JPH2: variants seen among roughly 807,000 people sequenced by gnomAD.
JPH2 encodes the protein junctophilin 2, also known as junctophilin-2.
Under a neutral mutation model 55.9 loss-of-function variants are expected in JPH2, and 38 were observed. The observed-to-expected ratio is 0.68, with a 90% CI of 0.52 to 0.89. JPH2 has a LOEUF of 0.89. Ranked by LOEUF, JPH2 falls within the 40% of genes least tolerant of loss-of-function variation. The probability of loss-of-function intolerance (pLI) is 0.00; values close to 1 mark genes in which losing one functional copy is unlikely to be tolerated. For synonymous variants in JPH2, 480 were observed against 472.4 expected (o/e 1.02, Z -0.21); for missense variants, 964 against 1,037.6 (o/e 0.93, Z 0.97).
rs1337351911 is a variant in JPH2 at position 44,160,067 on chromosome 20, A to G, written c.720T>C (p.Gly240=). 13 of 1,538,726 alleles carry G rather than the reference A, an allele frequency of 8.4e-6. No homozygotes were observed. The highest frequency in any genetic ancestry group is 9.6e-6 in the Non-Finnish European group (11 of 1,148,356). The part of the protein sequence containing the change: ...LRRAESRTSV[G]SQRSRVSFLK... ...GGAAGCTGACACGGCTGCGCTGGCT[A>G]CCCACGGACGTGCGCGACTCTGCGC... The change falls in exon 2 of 6, where the codon GGT becomes GGC. Residue 240 remains glycine, a synonymous_variant. Transcript: ENST00000372980. This position sits in a 1 kb window ranked among gnomAD's most constrained non-coding sequence, Gnocchi z 4.9.
intron 2 of JPH2, among the ~76,000 whole-genome samples, chr20:44,151,052 A>G (rs2072526887): frequency 6.6e-6 from 1 of 152,156 alleles, no homozygotes; most frequent in South Asian, 2.1e-4. Context: ...AAACAAAAAG[A>G]TAAAGTAAAT....
intron 2 of JPH2, among the ~76,000 whole-genome samples, chr20:44,124,971 C>T (rs914231180): frequency 1.1e-4 from 14 of 124,378 alleles, no homozygotes; most frequent in African/African-American, 2.9e-4. Flanking sequence ...CAGCTGGGCA[C>T]GGTGGTGCGC....
rs1321878003 is a variant in JPH2, at chr20:44,108,247, G to T, written c.*5271C>A. On this transcript the variant is annotated 3_prime_UTR_variant, in exon 6 of 6. Transcript: ENST00000372980. ...CCGAGGACACGGGTGTTTAGCATTT[G>T]GAACCCTCCCAGATTCCTTCCTATG... is the stretch of plus-strand genomic sequence containing the variant. Among the ~76,000 whole-genome samples the T allele has an allele frequency of 6.6e-6, 1 of 152,162 alleles. No homozygotes were observed. Among genetic ancestry groups the T allele is most frequent in the Non-Finnish European group, 1.5e-5 (1 of 68,004 alleles).
chr20:44,184,458 A>G lies in JPH2; in HGVS notation c.379+1869T>C, dbSNP rs563526456. 3.9e-5 allele frequency among the ~76,000 whole-genome samples: 6 copies of G among 152,032 alleles called. No homozygotes were observed. The South Asian group carries it at 1.0e-3, about 26-fold the overall frequency. On this transcript the variant is annotated intron_variant, in intron 1 of 5. Transcript: ENST00000372980. ...TTGTGAAAGCAGTGTTTGGACACAC[A>G]CTCAGAGATTCTGATGAGAAGGTCT... is the stretch of plus-strand genomic sequence containing the variant.
chr20:44,124,350 C>T (rs991236867), intron 2 of JPH2, among the ~76,000 whole-genome samples: 1 of 152,230 alleles, frequency 6.6e-6, no homozygotes, highest in African/African-American at 2.4e-5. Flanking sequence ...GGCTGTTCCC[C>T]GACCTGGAAG....
intron 2 of JPH2, among the ~76,000 whole-genome samples, chr20:44,135,601 G>A (rs1392891084): frequency 3.3e-5 from 5 of 152,182 alleles, no homozygotes; most frequent in Non-Finnish European, 7.3e-5. Flanking sequence ...CCCACAAGGG[G>A]CAGAAGCTTC....
At position 44,116,268 on chromosome 20, in the gene JPH2, G is replaced by A; in HGVS notation, c.1407C>T (p.Ser469=). ...GGGTCTCACGCTCGTGCAGCTGCGG[G>A]CTCTCGCGGGGCGGCTGTGGGAGGC... ...AAGLPQPPRE[S]PQLHERETPR... is the part of the protein sequence containing the mutation. Residue 469 remains serine (S), a synonymous_variant, in exon 4 of 6, where the codon AGC becomes AGT. Transcript: ENST00000372980. 1 of 1,526,342 alleles carries A rather than the reference G, an allele frequency of 6.6e-7. No individual in the cohort carries two copies. The highest frequency in any genetic ancestry group is 8.8e-7 in the Non-Finnish European group (1 of 1,140,932). The allele number at this position is 1,526,342 out of a possible 1,614,324, so 94.5% of individuals were successfully genotyped here. A position where few individuals can be genotyped will look rare whatever the true frequency, so the allele number is the denominator to read the frequency against.
chr20:44,186,150 T>C (rs2072837719), intron 1 of JPH2, among the ~76,000 whole-genome samples, 177 bp downstream of exon 1: 1 of 152,132 alleles, frequency 6.6e-6, no homozygotes, highest in African/African-American at 2.4e-5. Context: ...GCTCCATCTT[T>C]ACTACAAGAA....
At chr20:44,169,998 C>G (rs2072685905) in intron 1 of JPH2, among the ~76,000 whole-genome samples, 1 of 152,158 alleles carries the variant, frequency 6.6e-6, no homozygotes, top group African/African-American at 2.4e-5. Flanking sequence ...CTCCAGAACT[C>G]TAGGAAATAC....
intron 1 of JPH2, among the ~76,000 whole-genome samples, chr20:44,167,073 T>C (rs2072661241): frequency 6.6e-6 from 1 of 152,214 alleles, no homozygotes; most frequent in African/African-American, 2.4e-5. Flanking sequence ...CCTGGCCAAC[T>C]TCTATTGACA....
At chr20:44,113,692 C>T (rs1295356264) in intron 5 of JPH2, among the ~76,000 whole-genome samples, 189 bp from the exon 6 acceptor site, 9 of 152,214 alleles carry the variant, frequency 5.9e-5, no homozygotes, top group African/African-American at 2.2e-4. Context: ...CGAGGCCTCT[C>T]CTGGCCCTGG....
intron 5 of JPH2, among the ~76,000 whole-genome samples, chr20:44,113,796 T>C (rs2072164787): frequency 6.7e-6 from 1 of 149,926 alleles, no homozygotes; most frequent in Non-Finnish European, 1.5e-5. Context: ...TCACTCCTTT[T>C]CACCCTTCAG....
intron 2 of JPH2, among the ~76,000 whole-genome samples, chr20:44,137,784 C>T (rs1257642962): frequency 6.6e-6 from 1 of 152,134 alleles, no homozygotes; most frequent in African/African-American, 2.4e-5. Context: ...TCTTTGAATC[C>T]TGCCCTTTCA....
At chr20:44,129,805 A>T (rs907749476) in intron 2 of JPH2, among the ~76,000 whole-genome samples, 6 of 152,054 alleles carry the variant, frequency 3.9e-5, no homozygotes, top group Non-Finnish European at 8.8e-5. Context: ...TCCTTATAAG[A>T]GGGAGATTTG....
chr20:44,157,184 G>A lies in JPH2; in HGVS notation c.1169+2434C>T, dbSNP rs143804047. Among the ~76,000 whole-genome samples, 521 of 152,280 alleles carry A rather than the reference G, an allele frequency of 3.4e-3. 5 individuals carry two copies. Among genetic ancestry groups the A allele is most frequent in the African/African-American group, 0.012 (489 of 41,558 alleles). On this transcript the variant is annotated intron_variant, in intron 2 of 5. Coordinates refer to ENST00000372980, the MANE Select transcript of JPH2 (RefSeq NM_020433.5). ...ACCCAGATTCCCCTTCAGGACTGAA[G>A]GACTTATTTCTCCCACTCCCAGCTA...
chr20:44,134,767 A>G (rs1219250201), intron 2 of JPH2, among the ~76,000 whole-genome samples: 1 of 107,880 alleles, frequency 9.3e-6, no homozygotes, highest in African/African-American at 3.7e-5. Flanking sequence ...TAAATATATA[A>G]AAATATTTAT....
intron 2 of JPH2, among the ~76,000 whole-genome samples, chr20:44,142,913 G>A (rs2072467829): frequency 6.6e-6 from 1 of 152,088 alleles, no homozygotes; most frequent in African/African-American, 2.4e-5. Flanking sequence ...AGGCTTCCTG[G>A]GTCACACATA....
rs2072120301 is a variant in JPH2, at chr20:44,108,310, C to T, written c.*5208G>A. On this transcript the variant is annotated 3_prime_UTR_variant, in exon 6 of 6. Transcript: ENST00000372980. Reference sequence around the variant, plus strand: ...GGCTGGTTCTGATTCGCATTCTTTGCTTGTAATCAATGTGACTTGAGTAGA... The same window carrying T: ...GGCTGGTTCTGATTCGCATTCTTTGTTTGTAATCAATGTGACTTGAGTAGA... 6.6e-6 allele frequency among the ~76,000 whole-genome samples: 1 copy of T among 152,150 alleles called. No individual in the cohort carries two copies. The highest frequency in any genetic ancestry group is 2.4e-5 in the African/African-American group (1 of 41,422).
intron 5 of JPH2, 141 bp downstream of exon 5, chr20:44,114,641 G>T: frequency 1.6e-6 from 1 of 630,536 alleles, no homozygotes; most frequent in East Asian, 3.0e-5. Flanking sequence ...CTAGGTCTTG[G>T]CTTCTGCAGG....
Sources: allele counts gnomAD v4.1 joint callset (sites outside exome capture counted in the v4.1 genomes callset), GRCh38; gene constraint gnomAD v4.1.1; non-coding constraint Gnocchi (gnomAD v3.1); transcripts MANE v1.5; gene names NCBI Gene and HGNC (gene_info 2026-07-23, HGNC 2026-07-21).